Variants in CCDC148 observed in about 807,000 individuals in gnomAD.
The protein encoded by CCDC148 is coiled-coil domain containing 148.
CCDC148 carries 89 observed loss-of-function variants against 85.7 expected under a neutral mutation model. That is an observed-to-expected ratio of 1.04 (90% CI 0.87 to 1.24). The LOEUF (loss-of-function observed/expected upper bound fraction) is 1.24, where lower values mean the gene tolerates loss of function less well. Ranked by LOEUF, CCDC148 falls within the 50% of genes most tolerant of loss-of-function variation. CCDC148 has a pLI of 0.00. For synonymous variants in CCDC148, 230 were observed against 213.9 expected (o/e 1.08, Z -0.66); for missense variants, 692 against 671.7 (o/e 1.03, Z -0.33).
chr2:158,191,038 G>A (rs1341605318), intron 11 of CCDC148, among the ~76,000 whole-genome samples: 4 of 151,698 alleles, frequency 2.6e-5, no homozygotes, highest in Admixed American at 6.6e-5. Context: ...TTTTAACTTC[G>A]GCTACTTATT....
At chr2:158,423,864 T>C (rs1344238608) in intron 1 of CCDC148, among the ~76,000 whole-genome samples, 1 of 40,702 alleles carries the variant, frequency 2.5e-5, no homozygotes, top group African/African-American at 3.8e-5. Context: ...TTAAACAAAT[T>C]TACAAGAAAA....
At chr2:158,175,314 A>C (rs922431490) in intron 13 of CCDC148, among the ~76,000 whole-genome samples, 5 of 137,334 alleles carry the variant, frequency 3.6e-5, no homozygotes, top group African/African-American at 1.4e-4. Flanking sequence ...CCTTCTCCCT[A>C]TGTATCCTCC....
intron 1 of CCDC148, among the ~76,000 whole-genome samples, chr2:158,443,034 TTTTG>T (rs139862306): frequency 0.17 from 25,430 of 151,864 alleles, 2,266 homozygotes; most frequent in Middle Eastern, 0.21. Flanking sequence ...CAGTCATAGT[TTTTG>T]TTTGTTTGTT....
At chr2:158,343,323 C>T (rs80319144) in intron 3 of CCDC148, among the ~76,000 whole-genome samples, 26,971 of 152,152 alleles carry the variant, frequency 0.18, 3,106 homozygotes, top group Middle Eastern at 0.26. Flanking sequence ...GTTCCAATCC[C>T]AGCTCCACAC....
chr2:158,176,463 C>T (rs1252671354), intron 13 of CCDC148, 58 bp downstream of exon 13: 14 of 1,565,090 alleles, frequency 8.9e-6, no homozygotes, highest in Non-Finnish European at 1.2e-5. Flanking sequence ...ACACACACTT[C>T]TACAGTCCTT....
At chr2:158,292,548 G>A (rs746592275) in intron 9 of CCDC148, among the ~76,000 whole-genome samples, 3 of 152,086 alleles carry the variant, frequency 2.0e-5, no homozygotes, top group African/African-American at 4.8e-5. Context: ...TGTGCCATCC[G>A]GAGCTAAGAG....
At chr2:158,408,194 T>A (rs1574768870) in intron 1 of CCDC148, among the ~76,000 whole-genome samples, 1 of 152,304 alleles carries the variant, frequency 6.6e-6, no homozygotes, top group Non-Finnish European at 1.5e-5. Context: ...CTAATTAACG[T>A]ATCTATCACC....
intron 13 of CCDC148, among the ~76,000 whole-genome samples, 193 bp from the exon 14 acceptor site, chr2:158,172,452 T>C (rs1684361334): frequency 6.6e-6 from 1 of 152,010 alleles, no homozygotes; most frequent in Non-Finnish European, 1.5e-5. Context: ...AGTACATCAG[T>C]GGTTTCCCAT....
intron 2 of CCDC148, among the ~76,000 whole-genome samples, chr2:158,350,552 A>G (rs112076246): frequency 2.0e-5 from 3 of 152,194 alleles, no homozygotes; most frequent in African/African-American, 7.2e-5. Context: ...AGATGTCCCA[A>G]TCATGGGAAT....
intron 9 of CCDC148, among the ~76,000 whole-genome samples, chr2:158,257,522 A>C (rs1007836249): frequency 5.3e-5 from 8 of 151,836 alleles, no homozygotes; most frequent in Non-Finnish European, 1.2e-4. Context: ...AGTACCTGTG[A>C]TTTTGGATGT....
chr2:158,283,135 G>C (rs1299186048), intron 9 of CCDC148, among the ~76,000 whole-genome samples: 1 of 152,092 alleles, frequency 6.6e-6, no homozygotes, highest in African/African-American at 2.4e-5. Context: ...AATTCAAGAT[G>C]GATTAAAGAC....
chr2:158,190,711 T>C (rs763220776), intron 11 of CCDC148, among the ~76,000 whole-genome samples: 1 of 152,078 alleles, frequency 6.6e-6, no homozygotes, highest in East Asian at 1.9e-4. Context: ...AGAAGGGAAC[T>C]TTTGTTGAGG....
At chr2:158,319,839 T>C (rs1030860057) in intron 7 of CCDC148, among the ~76,000 whole-genome samples, 1 of 152,258 alleles carries the variant, frequency 6.6e-6, no homozygotes, top group East Asian at 1.9e-4. Context: ...CTGCAGCTGA[T>C]TGTGGGCAGA....
At chr2:158,329,079 A>G (rs889234102) in intron 7 of CCDC148, among the ~76,000 whole-genome samples, 2 of 152,146 alleles carry the variant, frequency 1.3e-5, no homozygotes, top group Admixed American at 1.3e-4. Context: ...TTGGACATGA[A>G]GTCCTTGCCC....
intron 1 of CCDC148, chr2:158,424,608 C>G (rs983689598): frequency 6.4e-6 from 1 of 156,674 alleles, no homozygotes; most frequent in Non-Finnish European, 1.4e-5. Context: ...AGGAAATATA[C>G]CTAATGTACA....
intron 9 of CCDC148, among the ~76,000 whole-genome samples, chr2:158,287,499 G>C (rs1690681913): frequency 6.6e-6 from 1 of 151,948 alleles, no homozygotes; most frequent in African/African-American, 2.4e-5. Context: ...ATTTTAATGG[G>C]AGAAATTGGC....
chr2:158,282,364 T>C (rs552937743), intron 9 of CCDC148, among the ~76,000 whole-genome samples: 2 of 152,308 alleles, frequency 1.3e-5, no homozygotes, highest in East Asian at 3.9e-4. Context: ...GACATGATTG[T>C]ATATCTAGAA....
chr2:158,264,471 A>C (rs1420988605), intron 9 of CCDC148, among the ~76,000 whole-genome samples: 3 of 152,124 alleles, frequency 2.0e-5, no homozygotes, highest in African/African-American at 7.2e-5. Context: ...GTTATTCAGC[A>C]ATGAATATTT....
chr2:158,351,621 A>C lies in CCDC148; in HGVS notation c.148-6303T>G, dbSNP rs1482257711. Among the ~76,000 whole-genome samples, 16 of 152,332 alleles carry C rather than the reference A, an allele frequency of 1.1e-4. No individual in the cohort carries two copies. In the East Asian group the frequency reaches 2.9e-3, roughly 28 times the overall value. On this transcript the variant is annotated intron_variant, in intron 2 of 13. Transcript: ENST00000283233. The stretch of plus-strand genomic sequence containing the variant: ...TTGCTAGCACAGCAGTCTGAGATCA[A>C]ACTGCAAGGCGGCAGCGAGGCTGGG...
Sources: gnomAD v4.1 joint callset for allele counts (sites outside exome capture counted in the v4.1 genomes callset) on GRCh38, gnomAD v4.1.1 for gene constraint, MANE v1.5 for transcripts, NCBI Gene and HGNC (gene_info 2026-07-23, HGNC 2026-07-21) for gene names.